Variants in CNTN5 observed in about 807,000 individuals in gnomAD.
The protein encoded by CNTN5 is contactin 5.
A neutral mutation model predicts 129.1 loss-of-function variants in CNTN5; 77 were observed. The ratio of observed to expected loss-of-function variants is 0.60; its 90% confidence interval spans 0.50 to 0.72. CNTN5 has a LOEUF of 0.72. Ranked by LOEUF, CNTN5 falls within the 30% of genes least tolerant of loss-of-function variation. CNTN5 has a pLI of 0.00. For missense variants in CNTN5, 1,478 were observed against 1,328.8 expected (o/e 1.11, Z -1.75); for synonymous variants, 509 against 465.6 (o/e 1.09, Z -1.20).
intron 1 of CNTN5, among the ~76,000 whole-genome samples, chr11:99,025,565 A>C: frequency 6.6e-6 from 1 of 151,734 alleles, no homozygotes; most frequent in East Asian, 1.9e-4. Context: ...AGGTGATAAA[A>C]AGTTGATTGA....
chr11:100,220,190 T>C (rs1383751974), intron 15 of CNTN5, among the ~76,000 whole-genome samples: 1 of 151,878 alleles, frequency 6.6e-6, no homozygotes, highest in Non-Finnish European at 1.5e-5. Flanking sequence ...GGCAGGAGAA[T>C]GGTGCGAACC....
At chr11:99,054,987 G>C (rs1366784141) in intron 1 of CNTN5, among the ~76,000 whole-genome samples, 7 of 151,928 alleles carry the variant, frequency 4.6e-5, no homozygotes, top group African/African-American at 1.7e-4. Context: ...ATGTAGACCA[G>C]TAATTCTAGA....
intron 1 of CNTN5, among the ~76,000 whole-genome samples, chr11:99,276,972 T>C (rs993889987): frequency 2.0e-5 from 3 of 151,694 alleles, no homozygotes; most frequent in Non-Finnish European, 4.4e-5. Context: ...GGATATGTGA[T>C]ATAAACTTTA....
intron 9 of CNTN5, among the ~76,000 whole-genome samples, chr11:100,022,257 T>C (rs1941200177): frequency 6.6e-6 from 1 of 152,248 alleles, no homozygotes; most frequent in Non-Finnish European, 1.5e-5. Flanking sequence ...AGTTTTCATA[T>C]TTAAAATAGA....
chr11:99,282,326 C>T (rs1392988339), intron 1 of CNTN5, among the ~76,000 whole-genome samples: 2 of 151,840 alleles, frequency 1.3e-5, no homozygotes. Context: ...ATGCTGAGTA[C>T]TACGGTAAGG....
At chr11:99,839,210 T>G (rs911273377) in intron 4 of CNTN5, among the ~76,000 whole-genome samples, 1 of 152,160 alleles carries the variant, frequency 6.6e-6, no homozygotes, top group Admixed American at 6.5e-5. Flanking sequence ...ATCCGACAAT[T>G]GCCTTTGTCG....
intron 9 of CNTN5, among the ~76,000 whole-genome samples, chr11:100,041,623 T>C (rs1242098636): frequency 6.6e-6 from 1 of 152,196 alleles, no homozygotes; most frequent in Non-Finnish European, 1.5e-5. Context: ...TAGGCAAAAA[T>C]GATATGTGAG....
At chr11:100,313,072 G>A (rs1198817417) in intron 21 of CNTN5, among the ~76,000 whole-genome samples, 1 of 152,016 alleles carries the variant, frequency 6.6e-6, no homozygotes, top group Non-Finnish European at 1.5e-5. Context: ...GACAAGATAT[G>A]TATAGATATA....
At chr11:99,281,747 T>C (rs1248086218) in intron 1 of CNTN5, among the ~76,000 whole-genome samples, 1 of 152,064 alleles carries the variant, frequency 6.6e-6, no homozygotes, top group African/African-American at 2.4e-5. Context: ...GTACAGTTTA[T>C]ATGTTTTGTT....
At chr11:100,237,193 A>C (rs1949636660) in intron 16 of CNTN5, among the ~76,000 whole-genome samples, 2 of 151,018 alleles carry the variant, frequency 1.3e-5, no homozygotes, top group Non-Finnish European at 3.0e-5. Context: ...CGTCTCAAAA[A>C]AAAAAAAAAA....
At chr11:99,311,469 G>C (rs982299034) in intron 1 of CNTN5, among the ~76,000 whole-genome samples, 4 of 152,026 alleles carry the variant, frequency 2.6e-5, no homozygotes, top group African/African-American at 9.7e-5. Context: ...AATTTCCAGA[G>C]ATTTCATTTT....
intron 9 of CNTN5, among the ~76,000 whole-genome samples, chr11:100,051,118 A>G (rs1206021568): frequency 6.6e-6 from 1 of 152,122 alleles, no homozygotes; most frequent in Non-Finnish European, 1.5e-5. Context: ...AAAATCAGTA[A>G]AGTACAGAAG....
chr11:99,423,627 C>T (rs1251932110), intron 2 of CNTN5, among the ~76,000 whole-genome samples: 2 of 152,096 alleles, frequency 1.3e-5, no homozygotes, highest in Admixed American at 6.6e-5. Context: ...TCTAGTAATA[C>T]CTACATTAGT....
intron 2 of CNTN5, among the ~76,000 whole-genome samples, chr11:99,428,979 G>A (rs765472738): frequency 2.0e-5 from 3 of 151,986 alleles, no homozygotes; most frequent in Non-Finnish European, 4.4e-5. Flanking sequence ...AGATAATTCT[G>A]TTTTGAGCTG....
At chr11:99,591,335 A>G (rs1274129789) in intron 3 of CNTN5, among the ~76,000 whole-genome samples, 2 of 68,462 alleles carry the variant, frequency 2.9e-5, no homozygotes, top group African/African-American at 6.1e-5. Flanking sequence ...ACTCAACAAA[A>G]CCTTTTTTTT....
At chr11:99,975,364 C>T (rs954346908) in intron 8 of CNTN5, among the ~76,000 whole-genome samples, 3 of 152,064 alleles carry the variant, frequency 2.0e-5, no homozygotes, top group Non-Finnish European at 4.4e-5. Context: ...ACCAATTTCT[C>T]CCTTTTGGAA....
intron 1 of CNTN5, among the ~76,000 whole-genome samples, chr11:99,200,346 A>G (rs1859108945): frequency 6.6e-6 from 1 of 152,206 alleles, no homozygotes. Flanking sequence ...AATATGTAAT[A>G]TCTCTGCACT....
chr11:99,030,663 T>G lies in CNTN5; in HGVS notation c.-210+9393T>G, dbSNP rs191968422. Among the ~76,000 whole-genome samples the G allele has an allele frequency of 3.6e-4, 55 of 152,286 alleles. No homozygotes were observed. In the East Asian group the frequency reaches 0.01, roughly 28 times the overall value. ...TAGTACAGAATACATTCATTTGAAA[T>G]TAATAATGTTCCCCAATTATATTAT... On this transcript the variant is annotated intron_variant, in intron 1 of 24. Transcript: ENST00000524871.
intron 3 of CNTN5, among the ~76,000 whole-genome samples, chr11:99,675,984 C>A (rs1316277114): frequency 6.6e-6 from 1 of 151,814 alleles, no homozygotes; most frequent in Non-Finnish European, 1.5e-5. Flanking sequence ...ATGATTTTCA[C>A]TACCATCATC....
Sources: allele counts gnomAD v4.1 joint callset (sites outside exome capture counted in the v4.1 genomes callset), GRCh38; gene constraint gnomAD v4.1.1; transcripts MANE v1.5; gene names NCBI Gene and HGNC (gene_info 2026-07-23, HGNC 2026-07-21).